Variants in TMC2 observed in about 807,000 individuals in gnomAD.
TMC2 encodes the protein transmembrane channel like 2.
In TMC2, 102 loss-of-function variants were observed where a neutral mutation model predicts 105.9. The ratio of observed to expected loss-of-function variants is 0.96; its 90% confidence interval spans 0.82 to 1.14. TMC2 has a LOEUF of 1.14. TMC2 is among the 50% of genes most tolerant of loss of function. The probability of loss-of-function intolerance (pLI) is 0.00; values close to 1 mark genes in which losing one functional copy is unlikely to be tolerated. For missense variants in TMC2, 1,093 were observed against 1,134.3 expected (o/e 0.96, Z 0.52); for synonymous variants, 402 against 422.8 (o/e 0.95, Z 0.60).
At chr20:2,605,887 C>T (rs922253230) in intron 11 of TMC2, among the ~76,000 whole-genome samples, 4 of 152,162 alleles carry the variant, frequency 2.6e-5, no homozygotes, top group East Asian at 1.9e-4. Flanking sequence ...AGGTGCTGTC[C>T]GCAGAGCCTG....
At chr20:2,551,943 G>C (rs1352243745) in intron 2 of TMC2, among the ~76,000 whole-genome samples, 2 of 152,126 alleles carry the variant, frequency 1.3e-5, no homozygotes, top group African/African-American at 4.8e-5. Flanking sequence ...GATATTCTGG[G>C]TCTTTTGCCT....
At chr20:2,637,845 C>T (rs1329664530) in intron 19 of TMC2, among the ~76,000 whole-genome samples, 1 of 152,178 alleles carries the variant, frequency 6.6e-6, no homozygotes, top group Non-Finnish European at 1.5e-5. Flanking sequence ...CAATGAATAC[C>T]AGCTGGCAGT....
chr20:2,579,611 A>G (rs1600110632), intron 6 of TMC2, among the ~76,000 whole-genome samples: 1 of 151,686 alleles, frequency 6.6e-6, no homozygotes, highest in Admixed American at 6.6e-5. Flanking sequence ...TTTAATAGAG[A>G]CAGGGTTTCA....
intron 11 of TMC2, among the ~76,000 whole-genome samples, chr20:2,607,992 C>T (rs943453160): frequency 5.3e-5 from 8 of 151,890 alleles, no homozygotes; most frequent in Non-Finnish European, 8.8e-5. Context: ...GGCATGGTGG[C>T]GCATGCCTGT....
chr20:2,643,060 C>T lies in TMC2; in HGVS notation c.*1709C>T, dbSNP rs182425720. Among the ~76,000 whole-genome samples the T allele has an allele frequency of 7.2e-5, 11 of 152,270 alleles. No homozygotes were observed. In the East Asian group the frequency reaches 1.9e-3, roughly 27 times the overall value. ...AGCACCAAAACTTCACATATATATA[C>T]AAACTGCAATGGAATAATAGGGACA... On this transcript the variant is annotated 3_prime_UTR_variant, in exon 20 of 20. Transcript: ENST00000358864.
At chr20:2,560,087 C>T (rs2086014838) in intron 3 of TMC2, among the ~76,000 whole-genome samples, 1 of 152,102 alleles carries the variant, frequency 6.6e-6, no homozygotes, top group African/African-American at 2.4e-5. Flanking sequence ...GCGCTGAATT[C>T]CCCGGGTGCT....
At chr20:2,624,244 T>C (rs1324262738) in intron 16 of TMC2, 27 bp from the exon 17 acceptor site, 46 of 1,609,856 alleles carry the variant, frequency 2.9e-5, no homozygotes, top group Non-Finnish European at 3.9e-5. Context: ...TGGCAGCATG[T>C]TATATTGTGT....
rs182454698 is a variant in TMC2 at position 2,541,767 on chromosome 20, T to G, written c.82+4451T>G. Among the ~76,000 whole-genome samples the G allele has an allele frequency of 1.3e-5, 2 of 152,322 alleles. 1 individual carries two copies. Among genetic ancestry groups the G allele is most frequent in the African/African-American group, 4.8e-5 (2 of 41,578 alleles). ...TTACAATTTATATTGCGACCAGTAATAAATATGCATTTTAACAAGTCTCAT... is the reference window on the plus strand; with the variant it reads ...TTACAATTTATATTGCGACCAGTAAGAAATATGCATTTTAACAAGTCTCAT... On this transcript the variant is annotated intron_variant, in intron 2 of 19. Transcript: ENST00000358864.
chr20:2,610,392 A>G, intron 11 of TMC2, 27 bp from the exon 12 acceptor site: 1 of 1,591,696 alleles, frequency 6.3e-7, no homozygotes, highest in Non-Finnish European at 8.6e-7. Context: ...TGTTGATGAC[A>G]CAACGTAGGC....
intron 9 of TMC2, 124 bp from the exon 10 acceptor site, chr20:2,597,027 T>C: frequency 9.5e-7 from 1 of 1,053,542 alleles, no homozygotes; most frequent in South Asian, 1.7e-5. Context: ...TGGCTTGTTT[T>C]GTCACTGAAT....
At chr20:2,639,447 A>G (rs1191944181) in intron 19 of TMC2, among the ~76,000 whole-genome samples, 1 of 152,234 alleles carries the variant, frequency 6.6e-6, no homozygotes, top group East Asian at 1.9e-4. Flanking sequence ...CCAACTGTTT[A>G]TAAAGTATTC....
Position 2,617,417 on chromosome 20 carries a change from C to T in TMC2, c.2180+106C>T. The T allele has an allele frequency of 3.4e-6, 5 of 1,451,734 alleles. No individual in the cohort carries two copies. In the South Asian group the frequency reaches 5.3e-5, roughly 15 times the overall value. The allele number at this position is 1,451,734 out of a possible 1,614,324, so 89.9% of individuals were successfully genotyped here. The stretch of plus-strand genomic sequence containing the variant: ...TGGTTTCATGCCAGCCTGTAAAAGG[C>T]CATGGAACTTTGGGTGAATCACCGA... On this transcript the variant is annotated intron_variant, in intron 16 of 19. Coordinates refer to ENST00000358864, the MANE Select transcript of TMC2 (RefSeq NM_080751.3).
chr20:2,584,691 A>G (rs976090360), intron 7 of TMC2, among the ~76,000 whole-genome samples: 11 of 152,114 alleles, frequency 7.2e-5, no homozygotes, highest in African/African-American at 2.7e-4. Flanking sequence ...CTTTTGCATT[A>G]CAGTATAATT....
At chr20:2,585,488 G>A (rs1050432834) in intron 7 of TMC2, among the ~76,000 whole-genome samples, 1 of 152,140 alleles carries the variant, frequency 6.6e-6, no homozygotes, top group Non-Finnish European at 1.5e-5. Flanking sequence ...TGTGGGTCAG[G>A]AATCCAGAAG....
chr20:2,608,122 TAAA>T (rs201069847), intron 11 of TMC2, among the ~76,000 whole-genome samples: 1 of 130,454 alleles, frequency 7.7e-6, no homozygotes. Context: ...AAAACTGTCT[TAAA>T]AAAAAAAAAA....
chr20:2,564,442 G>C (rs1032837123), intron 4 of TMC2, among the ~76,000 whole-genome samples: 1 of 151,586 alleles, frequency 6.6e-6, no homozygotes, highest in African/African-American at 2.4e-5. Flanking sequence ...GAGCCACCGC[G>C]CCCGGCCCTC....
rs1252256276 is a variant in TMC2 at position 2,558,230 on chromosome 20, GAGA to G, written c.83-223_83-221del. ...GGAGGTCTTCAAGGGAGACGGGAGG[GAGA>G]AGGCCAGAGAGTGACCTTCCTGCTT... On this transcript the variant is annotated intron_variant, in intron 2 of 19. Transcript: ENST00000358864. The surrounding 1 kb of genome is among the most constrained non-coding windows in gnomAD (Gnocchi z 4.6). 1 of 1,062,730 alleles carries G rather than the reference GAGA, an allele frequency of 9.4e-7. No homozygotes were observed. Among genetic ancestry groups the G allele is most frequent in the African/African-American group, 1.6e-5 (1 of 62,400 alleles). The allele number at this position is 1,062,730 out of a possible 1,614,324, so 65.8% of individuals were successfully genotyped here. A position where few individuals can be genotyped will look rare whatever the true frequency, so the allele number is the denominator to read the frequency against.
At chr20:2,582,557 C>T (rs935799751) in intron 7 of TMC2, among the ~76,000 whole-genome samples, 1 of 152,126 alleles carries the variant, frequency 6.6e-6, no homozygotes, top group Non-Finnish European at 1.5e-5. Flanking sequence ...CTCGCTGCAG[C>T]CTCCACCTCC....
intron 2 of TMC2, among the ~76,000 whole-genome samples, chr20:2,548,269 T>C (rs1303643497): frequency 6.6e-6 from 1 of 152,218 alleles, no homozygotes; most frequent in Non-Finnish European, 1.5e-5. Context: ...CTCTGTGGCA[T>C]GTTTTAAAAA....
Sources: gnomAD v4.1 joint callset for allele counts (sites outside exome capture counted in the v4.1 genomes callset) on GRCh38, gnomAD v4.1.1 for gene constraint, Gnocchi (gnomAD v3.1) non-coding constraint, MANE v1.5 for transcripts, NCBI Gene and HGNC (gene_info 2026-07-23, HGNC 2026-07-21) for gene names.